Variants in UNC5B observed in about 807,000 individuals in gnomAD.
The protein encoded by UNC5B is netrin receptor UNC5B.
In UNC5B, 56 loss-of-function variants were observed where a neutral mutation model predicts 103.7. That is an observed-to-expected ratio of 0.54 (90% CI 0.44 to 0.67). The LOEUF (loss-of-function observed/expected upper bound fraction) is 0.67. UNC5B is among the 30% of genes least tolerant of loss of function. The probability of loss-of-function intolerance (pLI) is 0.00; values close to 1 mark genes in which losing one functional copy is unlikely to be tolerated. For synonymous variants in UNC5B, 577 were observed against 542.0 expected (o/e 1.06, Z -0.90); for missense variants, 1,194 against 1,284.5 (o/e 0.93, Z 1.08).
At chr10:71,294,037 C>A in intron 13 of UNC5B, 104 bp downstream of exon 13, 2 of 1,044,542 alleles carry the variant, frequency 1.9e-6, no homozygotes, top group Non-Finnish European at 2.7e-6. Flanking sequence ...GAACCCCTCC[C>A]CGCCACCAGC....
chr10:71,257,914 G>A (rs1844328719), intron 1 of UNC5B, among the ~76,000 whole-genome samples: 1 of 152,242 alleles, frequency 6.6e-6, no homozygotes, highest in South Asian at 2.1e-4. Flanking sequence ...AAAGCCGTTT[G>A]ATATATGTGA....
intron 12 of UNC5B, 23 bp from the exon 13 acceptor site, chr10:71,293,677 C>A: frequency 6.3e-7 from 1 of 1,597,020 alleles, no homozygotes; most frequent in Non-Finnish European, 8.5e-7. Flanking sequence ...TGACCACTAC[C>A]CCACCCTTGC....
intron 1 of UNC5B, among the ~76,000 whole-genome samples, chr10:71,248,865 TCTCACACA>T (rs72065616): frequency 0.21 from 30,254 of 142,926 alleles, 3,321 homozygotes; most frequent in Non-Finnish European, 0.27. Flanking sequence ...TCTCTCTCTC[TCTCACACA>T]CACACACACA....
At chr10:71,250,896 G>A (rs1262882171) in intron 1 of UNC5B, among the ~76,000 whole-genome samples, 2 of 152,206 alleles carry the variant, frequency 1.3e-5, no homozygotes, top group Non-Finnish European at 2.9e-5. Flanking sequence ...AATACTTACA[G>A]CATGCTAGAG....
At position 71,293,733 on chromosome 10, in the gene UNC5B, A is replaced by G. The variant is rs1443924647; in HGVS notation, c.1975A>G (p.Thr659Ala). 4 of 1,590,944 alleles carry G rather than the reference A, an allele frequency of 2.5e-6. No individual in the cohort carries two copies. Among genetic ancestry groups the G allele is most frequent in the Non-Finnish European group, 3.4e-6 (4 of 1,168,420 alleles). The change falls in exon 13 of 17, where the codon ACA becomes GCA. Residue 659 changes from threonine (T) to alanine (A), a missense_variant. Coordinates refer to ENST00000335350, the MANE Select transcript of UNC5B (RefSeq NM_170744.5). The part of the protein sequence containing the change: ...VVTLDEETLN[T>A]PCYCQLEPRA... ...GACCCTGGATGAGGAGACCCTGAAC[A>G]CACCCTGCTACTGCCAGCTGGAGCC...
chr10:71,269,948 G>A (rs1387700754), intron 1 of UNC5B, among the ~76,000 whole-genome samples: 1 of 152,162 alleles, frequency 6.6e-6, no homozygotes, highest in Non-Finnish European at 1.5e-5. Context: ...GTGTGGGAGG[G>A]GTTGGGGGAG....
At chr10:71,242,731 G>C (rs1843933191) in intron 1 of UNC5B, among the ~76,000 whole-genome samples, 2 of 152,186 alleles carry the variant, frequency 1.3e-5, no homozygotes, top group African/African-American at 4.8e-5. Context: ...GTAGATGATT[G>C]GGTCTGGGCT....
chr10:71,292,747 C>G (rs997250199), intron 11 of UNC5B, among the ~76,000 whole-genome samples, 193 bp downstream of exon 11: 4 of 152,202 alleles, frequency 2.6e-5, no homozygotes, highest in Non-Finnish European at 5.9e-5. Flanking sequence ...GGTTGACAAG[C>G]TGGCTACAAG....
At chr10:71,258,558 C>A (rs137999745) in intron 1 of UNC5B, among the ~76,000 whole-genome samples, 2 of 152,332 alleles carry the variant, frequency 1.3e-5, no homozygotes, top group Non-Finnish European at 2.9e-5. Context: ...AACCTCCACT[C>A]CAGAGCACCT....
At chr10:71,225,518 G>A (rs891464555) in intron 1 of UNC5B, among the ~76,000 whole-genome samples, 12 of 152,164 alleles carry the variant, frequency 7.9e-5, no homozygotes, top group African/African-American at 2.2e-4. Context: ...GAGGAGGCCC[G>A]GGTGCCACGT....
chr10:71,224,143 C>A (rs1843508217), intron 1 of UNC5B, among the ~76,000 whole-genome samples: 5 of 152,160 alleles, frequency 3.3e-5, no homozygotes, highest in Non-Finnish European at 7.4e-5. Flanking sequence ...CCCAGGAAAG[C>A]CGGGGCTGCT....
chr10:71,288,685 G>A lies in UNC5B; in HGVS notation c.1019G>A (p.Gly340Glu), dbSNP rs1845159650. 6.2e-7 allele frequency: 1 copy of A among 1,613,358 alleles called. No homozygotes were observed. Among genetic ancestry groups the A allele is most frequent in the African/African-American group, 1.3e-5 (1 of 74,954 alleles). Residue 340 changes from glycine to glutamate, a missense_variant, in exon 7 of 17, where the codon GGG becomes GAG. By Grantham distance (98) the Gly-to-Glu change is moderately conservative. Transcript: ENST00000335350. The part of the protein sequence containing the change: ...PPQNGGRDCS[G>E]TLLDSKNCTD... ...CAGAACGGAGGCCGTGACTGCAGCG[G>A]GACGCTGCTCGACTCTAAGAACTGC...
At chr10:71,233,685 G>A (rs1564709544) in intron 1 of UNC5B, among the ~76,000 whole-genome samples, 1 of 152,238 alleles carries the variant, frequency 6.6e-6, no homozygotes, top group Non-Finnish European at 1.5e-5. Context: ...TGGCAGCTGG[G>A]AGACAGGCCA....
chr10:71,292,807 A>C (rs908801651), intron 11 of UNC5B, among the ~76,000 whole-genome samples: 6 of 152,236 alleles, frequency 3.9e-5, no homozygotes, highest in African/African-American at 1.2e-4. Flanking sequence ...TTTGTAGATC[A>C]ATAAGAAAAA....
chr10:71,257,591 C>A (rs751419425), intron 1 of UNC5B, among the ~76,000 whole-genome samples: 2 of 152,194 alleles, frequency 1.3e-5, no homozygotes, highest in East Asian at 1.9e-4. Flanking sequence ...CTTCGAGGAG[C>A]GCCTCGGTGG....
intron 10 of UNC5B, among the ~76,000 whole-genome samples, chr10:71,292,262 C>T (rs1473888566): frequency 6.6e-6 from 1 of 152,134 alleles, no homozygotes; most frequent in Non-Finnish European, 1.5e-5. Context: ...TGTCAGAGAC[C>T]CCTGTCTTCC....
chr10:71,251,699 C>T (rs1844176332), intron 1 of UNC5B, among the ~76,000 whole-genome samples: 1 of 151,630 alleles, frequency 6.6e-6, no homozygotes, highest in Non-Finnish European at 1.5e-5. Context: ...AAGGGGTCTT[C>T]TCGGTCCATA....
At position 71,237,452 on chromosome 10, in the gene UNC5B, G is replaced by A. The variant is rs1843798184; in HGVS notation, c.79+24388G>A. ...GCATTTTTGGAGTTGGTTAGCCTGG[G>A]TCTGAAACTCGGCTCTGCCTCTTAC... On this transcript the variant is annotated intron_variant, in intron 1 of 16. Coordinates refer to ENST00000335350, the MANE Select transcript of UNC5B (RefSeq NM_170744.5). 2.0e-5 allele frequency among the ~76,000 whole-genome samples: 3 copies of A among 152,188 alleles called. No individual in the cohort carries two copies. In the South Asian group the frequency reaches 6.2e-4, roughly 32 times the overall value.
intron 1 of UNC5B, among the ~76,000 whole-genome samples, chr10:71,275,945 A>T (rs776339971): frequency 6.6e-6 from 1 of 152,114 alleles, no homozygotes; most frequent in Non-Finnish European, 1.5e-5. Flanking sequence ...AACCCATGAC[A>T]AACAGTAAGA....
Sources: allele counts gnomAD v4.1 joint callset (sites outside exome capture counted in the v4.1 genomes callset), GRCh38; gene constraint gnomAD v4.1.1; transcripts MANE v1.5; gene names NCBI Gene and HGNC (gene_info 2026-07-23, HGNC 2026-07-21).